The following CSMD1 variants were observed in gnomAD, a reference collection of about 807,000 sequenced individuals.
CSMD1 encodes the protein CUB and Sushi multiple domains 1.
A neutral mutation model predicts 417.5 loss-of-function variants in CSMD1; 213 were observed. That is an observed-to-expected ratio of 0.51 (90% CI 0.46 to 0.57). CSMD1 has a LOEUF of 0.57. CSMD1 is among the 20% of genes least tolerant of loss of function. The pLI, the probability that CSMD1 is intolerant of heterozygous loss-of-function variation, is 0.00. For synonymous variants in CSMD1, 2,862 were observed against 1,736.8 expected (o/e 1.65, Z -16.11); for missense variants, 6,923 against 4,529.7 (o/e 1.53, Z -15.17).
chr8:3,853,521 T>G (rs893862327), intron 5 of CSMD1, among the ~76,000 whole-genome samples: 2 of 152,272 alleles, frequency 1.3e-5, no homozygotes, highest in East Asian at 3.9e-4. Context: ...TATGACTGCC[T>G]TGTTACTAGA....
At chr8:2,983,586 G>C (rs1254913414) in intron 54 of CSMD1, among the ~76,000 whole-genome samples, 1 of 152,196 alleles carries the variant, frequency 6.6e-6, no homozygotes, top group African/African-American at 2.4e-5. Context: ...GAGATGATTA[G>C]AGCAGAACCG....
intron 11 of CSMD1, among the ~76,000 whole-genome samples, chr8:3,473,218 T>G (rs2117207287): frequency 6.6e-6 from 1 of 152,314 alleles, no homozygotes; most frequent in South Asian, 2.1e-4. Context: ...TATTACTTTG[T>G]TCATTTGCAT....
At chr8:3,827,036 C>G (rs1240777970) in intron 5 of CSMD1, among the ~76,000 whole-genome samples, 3 of 152,230 alleles carry the variant, frequency 2.0e-5, no homozygotes, top group African/African-American at 7.2e-5. Context: ...CCCATCTTGG[C>G]CTTTTGAAGT....
chr8:4,107,522 T>C (rs182439589), intron 3 of CSMD1, among the ~76,000 whole-genome samples: 9 of 152,322 alleles, frequency 5.9e-5, no homozygotes, highest in South Asian at 2.1e-4. Context: ...ACAGCACTAA[T>C]TGATATCTGG....
At chr8:4,084,699 T>A (rs17332062) in intron 3 of CSMD1, among the ~76,000 whole-genome samples, 47,381 of 151,256 alleles carry the variant, frequency 0.31, 7,952 homozygotes, top group Middle Eastern at 0.4. Flanking sequence ...AGGCATCAAT[T>A]AGCAATAACA....
At chr8:4,485,583 C>T (rs1023847634) in intron 2 of CSMD1, among the ~76,000 whole-genome samples, 1 of 152,062 alleles carries the variant, frequency 6.6e-6, no homozygotes, top group African/African-American at 2.4e-5. Flanking sequence ...CACTTCTATC[C>T]ATGGATGTTC....
chr8:3,484,563 C>A (rs1438655498), intron 11 of CSMD1, among the ~76,000 whole-genome samples: 1 of 152,156 alleles, frequency 6.6e-6, no homozygotes, highest in Non-Finnish European at 1.5e-5. Flanking sequence ...AAAGCACTGG[C>A]CTTTATGGGA....
At chr8:3,425,196 C>T (rs566790394) in intron 12 of CSMD1, among the ~76,000 whole-genome samples, 11 of 152,238 alleles carry the variant, frequency 7.2e-5, no homozygotes, top group East Asian at 3.9e-4. Flanking sequence ...GGAGTATGTA[C>T]GCATAGAGAA....
chr8:4,410,624 A>C (rs1294248402), intron 3 of CSMD1, among the ~76,000 whole-genome samples: 1 of 152,226 alleles, frequency 6.6e-6, no homozygotes, highest in Non-Finnish European at 1.5e-5. Flanking sequence ...GTATTACCAA[A>C]TGTAATGTAT....
chr8:3,570,500 A>G (rs1428769381), intron 10 of CSMD1, among the ~76,000 whole-genome samples: 1 of 152,190 alleles, frequency 6.6e-6, no homozygotes, highest in Non-Finnish European at 1.5e-5. Context: ...ATCGGGAACT[A>G]AAGCCTCAGG....
intron 2 of CSMD1, among the ~76,000 whole-genome samples, chr8:4,434,324 C>G (rs910088578): frequency 1.3e-5 from 2 of 152,126 alleles, no homozygotes; most frequent in African/African-American, 2.4e-5. Flanking sequence ...TGAGATTGCA[C>G]CATTACACTC....
chr8:3,039,268 T>G (rs1810905151), intron 50 of CSMD1, among the ~76,000 whole-genome samples: 1 of 124,902 alleles, frequency 8.0e-6, no homozygotes, highest in African/African-American at 3.1e-5. Context: ...AACCATTTCT[T>G]GACCCTTCCT....
chr8:4,374,609 G>A (rs952647550), intron 3 of CSMD1, among the ~76,000 whole-genome samples: 2 of 152,232 alleles, frequency 1.3e-5, no homozygotes, highest in East Asian at 1.9e-4. Flanking sequence ...CTAAGAAATG[G>A]TCCTGAAAGC....
chr8:3,809,244 T>C (rs1275989298), intron 5 of CSMD1, among the ~76,000 whole-genome samples: 1 of 152,168 alleles, frequency 6.6e-6, no homozygotes, highest in Non-Finnish European at 1.5e-5. Flanking sequence ...CTAAAAAGAC[T>C]TCTGACCAGC....
At chr8:3,499,806 A>T (rs960520067) in intron 10 of CSMD1, among the ~76,000 whole-genome samples, 5 of 151,990 alleles carry the variant, frequency 3.3e-5, no homozygotes, top group African/African-American at 1.2e-4. Flanking sequence ...CGTTCTCAAG[A>T]TGTGGAGATG....
chr8:3,048,011 C>T (rs575678254), intron 50 of CSMD1, among the ~76,000 whole-genome samples: 22 of 152,326 alleles, frequency 1.4e-4, no homozygotes, highest in Admixed American at 3.3e-4. Context: ...GTAACAGGCA[C>T]ATGTGCGAGA....
chr8:3,536,136 C>A (rs916480169), intron 10 of CSMD1, among the ~76,000 whole-genome samples: 1 of 152,132 alleles, frequency 6.6e-6, no homozygotes, highest in South Asian at 2.1e-4. Flanking sequence ...CTGTGATATC[C>A]GGATCATCAA....
intron 26 of CSMD1, among the ~76,000 whole-genome samples, chr8:3,256,360 A>C (rs1395407955): frequency 6.6e-6 from 1 of 151,924 alleles, no homozygotes; most frequent in Non-Finnish European, 1.5e-5. Context: ...AAGGAAACAA[A>C]CCACAACTGT....
Position 4,032,033 on chromosome 8 carries a change from A to T in CSMD1, c.482T>A (p.Phe161Tyr), listed in dbSNP as rs746667844. 6.2e-7 allele frequency: 1 copy of T among 1,613,952 alleles called. No individual in the cohort carries two copies. Among genetic ancestry groups the T allele is most frequent in the East Asian group, 2.2e-5 (1 of 44,870 alleles). ...ILKGVLHGTR[F>Y]NIGDKIRYSC... ...GTACCGGATTTTGTCTCCTATGTTG[A>T]ATCTCGTTCCATGCAGAACTCCTTT... Residue 161 changes from phenylalanine (F) to tyrosine (Y), a missense_variant, in exon 4 of 70, where the codon TTC becomes TAC. Phe to Tyr is a conservative substitution (Grantham distance 22). Coordinates refer to ENST00000635120, the MANE Select transcript of CSMD1 (RefSeq NM_033225.6).
Sources: gnomAD v4.1 joint callset for allele counts (sites outside exome capture counted in the v4.1 genomes callset) on GRCh38, gnomAD v4.1.1 for gene constraint, MANE v1.5 for transcripts, NCBI Gene and HGNC (gene_info 2026-07-23, HGNC 2026-07-21) for gene names.